GPALPP1: variants seen among roughly 807,000 people sequenced by gnomAD.
The protein encoded by GPALPP1 is GPALPP motifs containing 1, also known as GPALPP motifs-containing protein 1.
A neutral mutation model predicts 38.9 loss-of-function variants in GPALPP1; 30 were observed. The observed-to-expected ratio is 0.77, with a 90% confidence interval of 0.58 to 1.05. GPALPP1 has a LOEUF of 1.05. Among genes scored for constraint, GPALPP1 ranks in the 50% least tolerant of loss-of-function variants. The probability of loss-of-function intolerance (pLI) is 0.00; values close to 1 mark genes in which losing one functional copy is unlikely to be tolerated. For synonymous variants in GPALPP1, 120 were observed against 139.2 expected (o/e 0.86, Z 0.97); for missense variants, 384 against 408.8 (o/e 0.94, Z 0.52).
chr13:45,000,040 G>A (rs1873557769), intron 1 of GPALPP1, among the ~76,000 whole-genome samples: 1 of 152,080 alleles, frequency 6.6e-6, no homozygotes, highest in African/African-American at 2.4e-5. Context: ...GGTTTTCTTA[G>A]ATGAGTTTTA....
chr13:45,026,627 G>C (rs915947202), intron 7 of GPALPP1, among the ~76,000 whole-genome samples: 1 of 152,078 alleles, frequency 6.6e-6, no homozygotes, highest in Non-Finnish European at 1.5e-5. Flanking sequence ...CAGTAGGAAG[G>C]GCCTGGAAGA....
At chr13:45,037,334 G>A (rs1321769218) in exon 8 of GPALPP1, 1 of 152,076 alleles carries the variant, frequency 6.6e-6, no homozygotes, top group Admixed American at 6.6e-5. Flanking sequence ...TGTCTTTTTA[G>A]GTAATGGCTG....
chr13:45,015,284 A>G (rs1337716691), intron 5 of GPALPP1, 148 bp from the exon 6 acceptor site: 1 of 588,378 alleles, frequency 1.7e-6, no homozygotes, highest in Admixed American at 3.7e-5. Flanking sequence ...TGACAAATAT[A>G]TGTGACAAAA....
rs1872599455 is a variant in GPALPP1 at position 44,989,560 on chromosome 13, C to G, written c.-95C>G. The G allele has an allele frequency of 1.3e-6, 2 of 1,487,266 alleles. No individual in the cohort carries two copies. Among genetic ancestry groups the G allele is most frequent in the Non-Finnish European group, 1.9e-6 (2 of 1,073,400 alleles). 92.1% of individuals were successfully genotyped at this position (1,487,266 alleles called of 1,614,324 possible). ...TACGTCATTTCTCGGCGCCGGGAAA[C>G]CTGCCATTCTTCGCTGCTGATCGCG... On this transcript the variant is annotated 5_prime_UTR_variant, in exon 1 of 8. Coordinates refer to ENST00000379151, the MANE Select transcript of GPALPP1 (RefSeq NM_018559.5).
At position 45,028,017 on chromosome 13, in the gene GPALPP1, A is replaced by G. The variant is rs749331944; in HGVS notation, c.*14A>G. ...ATGTTTTTATAAGTAAGTATATTTC[A>G]GTGAGGTATATTTTAATACTGATCA... On this transcript the variant is annotated 3_prime_UTR_variant, in exon 8 of 8. Transcript: ENST00000379151. 8 of 1,348,400 alleles carry G rather than the reference A, an allele frequency of 5.9e-6. No individual in the cohort carries two copies. The highest frequency in any genetic ancestry group is 8.5e-6 in the Non-Finnish European group (8 of 941,236). The allele number at this position is 1,348,400 out of a possible 1,614,324, so 83.5% of individuals were successfully genotyped here.
At chr13:44,993,566 C>T (rs1382206172) in intron 1 of GPALPP1, among the ~76,000 whole-genome samples, 1 of 152,026 alleles carries the variant, frequency 6.6e-6, no homozygotes, top group African/African-American at 2.4e-5. Flanking sequence ...CCTGTAGTCC[C>T]AGCTACTGGG....
chr13:44,995,043 G>C (rs989046299), intron 1 of GPALPP1, among the ~76,000 whole-genome samples: 5 of 151,822 alleles, frequency 3.3e-5, no homozygotes, highest in Admixed American at 6.6e-5. Flanking sequence ...GTAGAGAGAG[G>C]GTTTCTCCAT....
At chr13:45,003,233 A>G (rs954607459) in intron 1 of GPALPP1, among the ~76,000 whole-genome samples, 2 of 152,204 alleles carry the variant, frequency 1.3e-5, no homozygotes, top group African/African-American at 4.8e-5. Flanking sequence ...TAGAAATAAT[A>G]TCTCCCTTAT....
chr13:45,028,802 C>T lies in GPALPP1; in HGVS notation c.*799C>T, dbSNP rs138669336. ...CAGTGGCTCACACCTGTAATCCCAG[C>T]ACTTTGGGAGGGTGAGGCGGGTGGA... On this transcript the variant is annotated 3_prime_UTR_variant, in exon 8 of 8. Coordinates refer to ENST00000379151, the MANE Select transcript of GPALPP1 (RefSeq NM_018559.5). The T allele has an allele frequency of 6.6e-5, 10 of 152,208 alleles. No homozygotes were observed. The highest frequency in any genetic ancestry group is 1.9e-4 in the African/African-American group (8 of 41,520). The allele number at this position is 152,208 out of a possible 1,614,324, so 9.4% of individuals were successfully genotyped here. A position where few individuals can be genotyped will look rare whatever the true frequency, so the allele number is the denominator to read the frequency against.
In GPALPP1 at chr13:45,029,303, T is replaced by C. The variant is rs1485294852; in HGVS notation, c.*1300T>C. ...TCTTTGTCCATCTTTATTTCTTTGT[T>C]TTTGGCTTCTTAAGATTAGAGATTA... On this transcript the variant is annotated 3_prime_UTR_variant, in exon 8 of 8. Transcript: ENST00000379151. 3 of 152,228 alleles carry C rather than the reference T, an allele frequency of 2.0e-5. No homozygotes were observed. Among genetic ancestry groups the C allele is most frequent in the Non-Finnish European group, 4.4e-5 (3 of 68,050 alleles). 9.4% of individuals were successfully genotyped at this position (152,228 alleles called of 1,614,324 possible).
In GPALPP1 at chr13:45,007,732, T is replaced by C. The variant is rs982242750; in HGVS notation, c.324-1063T>C. 2.6e-5 allele frequency among the ~76,000 whole-genome samples: 4 copies of C among 152,168 alleles called. No individual in the cohort carries two copies. In the South Asian group the frequency reaches 8.3e-4, roughly 32 times the overall value. On this transcript the variant is annotated intron_variant, in intron 3 of 7. Coordinates refer to ENST00000379151, the MANE Select transcript of GPALPP1 (RefSeq NM_018559.5). ...AGGATGCCTGTCTGTGGGGTTCTGA[T>C]AGAACATGGTGCAACCTGGAAATTT...
downstream of GPALPP1, chr13:45,032,047 C>T (rs1195048138): frequency 5.3e-5 from 8 of 151,998 alleles, no homozygotes; most frequent in Non-Finnish European, 1.2e-4. Flanking sequence ...GATTTTTGTC[C>T]AGCTCTCTAA....
intron 1 of GPALPP1, among the ~76,000 whole-genome samples, chr13:44,994,875 C>T (rs759596500): frequency 2.0e-5 from 3 of 150,270 alleles, no homozygotes; most frequent in Non-Finnish European, 4.4e-5. Flanking sequence ...TTTTTTGAGA[C>T]GGAGTTTCGC....
chr13:45,015,664 G>T, intron 6 of GPALPP1, 68 bp downstream of exon 6: 1 of 1,090,882 alleles, frequency 9.2e-7, no homozygotes. Flanking sequence ...AAGATATAAT[G>T]CAAAATTATT....
intron 7 of GPALPP1, among the ~76,000 whole-genome samples, chr13:45,020,708 G>C (rs780337701): frequency 3.4e-5 from 5 of 147,998 alleles, no homozygotes; most frequent in African/African-American, 1.2e-4. Flanking sequence ...TTAGTTATCT[G>C]TTTATTTTTT....
Position 45,024,293 on chromosome 13 carries a change from T to TGTGTGTGTGTGC in GPALPP1, c.805-3481_805-3480insCGTGTGTGTGTG, listed in dbSNP as rs1469087185. On this transcript the variant is annotated intron_variant, in intron 7 of 7. Transcript: ENST00000379151. ...GTGTGTGTGTGTGTGTGTGTGTGTGTGTGTGTGTGTGTGTGTTTTGAGACT... is the reference window on the plus strand; with the variant it reads ...GTGTGTGTGTGTGTGTGTGTGTGTGTGTGTGTGTGTGCGTGTGTGTGTGTGTGTTTTGAGACT... Among the ~76,000 whole-genome samples, 24 of 148,024 alleles carry TGTGTGTGTGTGC rather than the reference T, an allele frequency of 1.6e-4. 1 individual carries two copies. In the South Asian group the frequency reaches 3.2e-3, roughly 20 times the overall value.
At chr13:45,026,203 A>C (rs1875823201) in intron 7 of GPALPP1, among the ~76,000 whole-genome samples, 1 of 152,214 alleles carries the variant, frequency 6.6e-6, no homozygotes. Flanking sequence ...AATATTTATA[A>C]AATACTTAAG....
At chr13:45,022,444 A>G (rs1473460873) in intron 7 of GPALPP1, among the ~76,000 whole-genome samples, 1 of 152,008 alleles carries the variant, frequency 6.6e-6, no homozygotes, top group East Asian at 1.9e-4. Flanking sequence ...ATATAAAAAA[A>G]CAAATATTGA....
chr13:45,004,204 G>A, intron 1 of GPALPP1, 101 bp from the exon 2 acceptor site: 1 of 860,620 alleles, frequency 1.2e-6, no homozygotes, highest in Non-Finnish European at 1.8e-6. Context: ...ATGATAGACA[G>A]CCAGTGCTGT....
Sources: gnomAD v4.1 joint callset for allele counts (sites outside exome capture counted in the v4.1 genomes callset) on GRCh38, gnomAD v4.1.1 for gene constraint, MANE v1.5 for transcripts, NCBI Gene and HGNC (gene_info 2026-07-23, HGNC 2026-07-21) for gene names.